The following CCSER1 variants were observed in gnomAD, a reference collection of about 807,000 sequenced individuals.
The protein encoded by CCSER1 is serine-rich coiled-coil domain-containing protein 1.
CCSER1 carries 41 observed loss-of-function variants against 82.0 expected under a neutral mutation model. The observed-to-expected ratio is 0.50, with a 90% CI of 0.39 to 0.65. The LOEUF (loss-of-function observed/expected upper bound fraction) is 0.65. Ranked by LOEUF, CCSER1 falls within the 30% of genes least tolerant of loss-of-function variation. The probability of loss-of-function intolerance (pLI) is 0.00; values close to 1 mark genes in which losing one functional copy is unlikely to be tolerated. For missense variants in CCSER1, 1,119 were observed against 1,064.2 expected (o/e 1.05, Z -0.72); for synonymous variants, 414 against 383.9 (o/e 1.08, Z -0.92).
At chr4:91,578,912 T>G (rs978104551) in intron 10 of CCSER1, among the ~76,000 whole-genome samples, 1 of 151,840 alleles carries the variant, frequency 6.6e-6, no homozygotes, top group African/African-American at 2.4e-5. Context: ...GTATGTCTAT[T>G]TGTCTATTCA....
At chr4:91,590,761 A>T (rs867168534) in intron 10 of CCSER1, among the ~76,000 whole-genome samples, 50 of 152,072 alleles carry the variant, frequency 3.3e-4, no homozygotes, top group African/African-American at 1.2e-3. Context: ...AAAGGAGATG[A>T]TATTTTTTAA....
intron 8 of CCSER1, among the ~76,000 whole-genome samples, chr4:90,880,777 T>G (rs1237362462): frequency 6.6e-6 from 1 of 152,058 alleles, no homozygotes; most frequent in Non-Finnish European, 1.5e-5. Context: ...TCACCTCAGA[T>G]TTTCCTGTAC....
chr4:91,355,558 T>C (rs895467475), intron 10 of CCSER1, among the ~76,000 whole-genome samples: 1 of 152,194 alleles, frequency 6.6e-6, no homozygotes, highest in Non-Finnish European at 1.5e-5. Context: ...TTTTTTGTCC[T>C]ACCTCAGTGA....
At chr4:90,742,123 G>A (rs575905091) in intron 7 of CCSER1, among the ~76,000 whole-genome samples, 2 of 152,110 alleles carry the variant, frequency 1.3e-5, no homozygotes, top group African/African-American at 4.8e-5. Flanking sequence ...AGGGGGAAGT[G>A]CTACACACTT....
intron 7 of CCSER1, chr4:90,781,556 T>C (rs1253739247): frequency 5.1e-6 from 5 of 978,360 alleles, no homozygotes; most frequent in Non-Finnish European, 6.1e-6. Context: ...AAATATGAAA[T>C]ACATAAATGA....
intron 9 of CCSER1, among the ~76,000 whole-genome samples, chr4:91,016,156 T>G (rs1739413270): frequency 6.6e-6 from 1 of 152,040 alleles, no homozygotes; most frequent in Admixed American, 6.6e-5. Flanking sequence ...CACTGCATTT[T>G]TATTTGAAGT....
intron 7 of CCSER1, among the ~76,000 whole-genome samples, chr4:90,780,244 T>A (rs529342357): frequency 3.3e-5 from 5 of 152,186 alleles, no homozygotes; most frequent in African/African-American, 1.2e-4. Context: ...GTCTTTAACT[T>A]GTATGCTCTT....
intron 9 of CCSER1, among the ~76,000 whole-genome samples, chr4:91,079,347 T>C (rs949843758): frequency 6.6e-6 from 1 of 152,152 alleles, no homozygotes; most frequent in Non-Finnish European, 1.5e-5. Context: ...GAAGGAGAAA[T>C]AAAATCTTTT....
chr4:91,296,977 TA>T (rs951681299), intron 10 of CCSER1, among the ~76,000 whole-genome samples: 6 of 150,446 alleles, frequency 4.0e-5, no homozygotes, highest in Non-Finnish European at 5.9e-5. Context: ...GATTTTGGGT[TA>T]AAAAAAAACA....
intron 10 of CCSER1, among the ~76,000 whole-genome samples, chr4:91,097,789 T>C (rs1724651776): frequency 1.3e-5 from 2 of 152,180 alleles, no homozygotes; most frequent in Non-Finnish European, 1.5e-5. Flanking sequence ...TAGATTCTTA[T>C]AGACACTTAG....
At chr4:91,287,304 T>G (rs1743351328) in intron 10 of CCSER1, among the ~76,000 whole-genome samples, 1 of 151,908 alleles carries the variant, frequency 6.6e-6, no homozygotes, top group African/African-American at 2.4e-5. Context: ...TTCTGACTAG[T>G]TTTTGTACTG....
chr4:90,223,235 A>G (rs1439593360), intron 1 of CCSER1, among the ~76,000 whole-genome samples: 1 of 152,150 alleles, frequency 6.6e-6, no homozygotes, highest in Non-Finnish European at 1.5e-5. Context: ...GACTTTGCCT[A>G]TGTGTTTTAA....
chr4:91,225,174 G>GTGTA (rs201302211), intron 10 of CCSER1, among the ~76,000 whole-genome samples: 1 of 140,166 alleles, frequency 7.1e-6, no homozygotes, highest in Non-Finnish European at 1.5e-5. Flanking sequence ...ATGTGTGTGT[G>GTGTA]TATATATGTA....
chr4:91,327,856 A>G (rs933207399), intron 10 of CCSER1, among the ~76,000 whole-genome samples: 1 of 152,120 alleles, frequency 6.6e-6, no homozygotes, highest in Non-Finnish European at 1.5e-5. Flanking sequence ...ATTTCTCTCA[A>G]TCTCAAAGTT....
rs766684396 is a variant in CCSER1, at chr4:90,845,190, G to A, written c.2094+29345G>A. ...ATCGTGGCCAACAAGGTGAAACCCC[G>A]TCTCTACTAAAAATACAAAAAATTA... On this transcript the variant is annotated intron_variant, in intron 8 of 10. Coordinates refer to ENST00000509176, the MANE Select transcript of CCSER1 (RefSeq NM_001145065.2). Among the ~76,000 whole-genome samples the A allele has an allele frequency of 5.9e-5, 9 of 151,794 alleles. No homozygotes were observed. In the South Asian group the frequency reaches 1.5e-3, roughly 25 times the overall value.
At chr4:90,642,340 A>G (rs1042568323) in intron 6 of CCSER1, 1 of 153,188 alleles carries the variant, frequency 6.5e-6, no homozygotes, top group African/African-American at 2.4e-5. Context: ...TAAAAGTAGT[A>G]TGAATCTAAT....
At chr4:91,119,408 A>G (rs1726899794) in intron 10 of CCSER1, among the ~76,000 whole-genome samples, 1 of 152,020 alleles carries the variant, frequency 6.6e-6, no homozygotes. Flanking sequence ...GATACAGACA[A>G]ACCCCTGAGA....
intron 5 of CCSER1, among the ~76,000 whole-genome samples, chr4:90,487,739 G>T (rs1006201736): frequency 1.3e-5 from 2 of 152,032 alleles, no homozygotes; most frequent in African/African-American, 4.8e-5. Flanking sequence ...TGCGCCTCTG[G>T]GTTCAAGCGA....
intron 10 of CCSER1, among the ~76,000 whole-genome samples, chr4:91,169,437 G>A (rs184967001): frequency 4.6e-4 from 70 of 152,114 alleles, no homozygotes; most frequent in Middle Eastern, 3.4e-3. Context: ...CCTGGCCACC[G>A]TGGCGAAGCC....
Sources: allele counts gnomAD v4.1 joint callset (sites outside exome capture counted in the v4.1 genomes callset), GRCh38; gene constraint gnomAD v4.1.1; transcripts MANE v1.5; gene names NCBI Gene and HGNC (gene_info 2026-07-23, HGNC 2026-07-21).